BANK1: variants seen among roughly 807,000 people sequenced by gnomAD.
BANK1 encodes the protein B cell scaffold protein with ankyrin repeats 1.
Under a neutral mutation model 94.5 loss-of-function variants are expected in BANK1, and 95 were observed. The ratio of observed to expected loss-of-function variants is 1.00; its 90% CI spans 0.85 to 1.19. The LOEUF (loss-of-function observed/expected upper bound fraction) is 1.19. BANK1 is among the 50% of genes most tolerant of loss of function. BANK1 has a pLI of 0.00. For synonymous variants in BANK1, 334 were observed against 308.4 expected (o/e 1.08, Z -0.87); for missense variants, 987 against 932.2 (o/e 1.06, Z -0.77).
chr4:101,985,015 AAGAG>A (rs143961030), intron 7 of BANK1, among the ~76,000 whole-genome samples: 7 of 151,578 alleles, frequency 4.6e-5, no homozygotes, highest in African/African-American at 1.7e-4. Flanking sequence ...AGATTTCAAC[AAGAG>A]AGAGAGAGAG....
intron 7 of BANK1, among the ~76,000 whole-genome samples, chr4:101,951,699 T>C (rs1724162268): frequency 6.6e-6 from 1 of 152,042 alleles, no homozygotes; most frequent in Admixed American, 6.6e-5. Context: ...AAAAAATTTG[T>C]TTTTGCTCTG....
intron 1 of BANK1, among the ~76,000 whole-genome samples, chr4:101,801,947 C>T (rs993352119): frequency 1.3e-5 from 2 of 152,186 alleles, no homozygotes; most frequent in Non-Finnish European, 2.9e-5. Flanking sequence ...GACACCAGTG[C>T]GTTCCTCTTG....
chr4:102,050,381 T>A (rs1728006657), intron 11 of BANK1, among the ~76,000 whole-genome samples: 1 of 152,188 alleles, frequency 6.6e-6, no homozygotes, highest in African/African-American at 2.4e-5. Context: ...CAACTCTAGA[T>A]GAGCATAAGA....
intron 7 of BANK1, among the ~76,000 whole-genome samples, chr4:101,923,632 T>A (rs1297331249): frequency 1.3e-5 from 2 of 151,830 alleles, no homozygotes; most frequent in Non-Finnish European, 2.9e-5. Context: ...AATGAAATCA[T>A]GTGGAATTTG....
chr4:102,062,425 G>A (rs889221044), intron 12 of BANK1: 19 of 152,190 alleles, frequency 1.2e-4, no homozygotes, highest in African/African-American at 4.3e-4. Context: ...TGGTTTCTAG[G>A]TTTCCAGGAA....
chr4:101,907,601 G>T (rs1486431747), intron 6 of BANK1, among the ~76,000 whole-genome samples: 1 of 152,182 alleles, frequency 6.6e-6, no homozygotes, highest in Non-Finnish European at 1.5e-5. Context: ...ATTAGGAAAA[G>T]AGGAAGTCAA....
At chr4:101,851,716 T>C (rs1727484030) in intron 2 of BANK1, among the ~76,000 whole-genome samples, 2 of 152,348 alleles carry the variant, frequency 1.3e-5, no homozygotes, top group Middle Eastern at 3.4e-3. Flanking sequence ...CCTTCTCTTA[T>C]CAGTTTTTCT....
chr4:102,066,326 G>C (rs1268730245), intron 13 of BANK1, among the ~76,000 whole-genome samples: 1 of 149,900 alleles, frequency 6.7e-6, no homozygotes, highest in East Asian at 2.0e-4. Flanking sequence ...GCACGATCTC[G>C]GCTCACTGCA....
chr4:101,859,030 C>T (rs1295554254), intron 3 of BANK1, among the ~76,000 whole-genome samples: 2 of 152,146 alleles, frequency 1.3e-5, no homozygotes, highest in Non-Finnish European at 2.9e-5. Context: ...GCCCGTTCAT[C>T]CCTTGACTCT....
At position 101,982,471 on chromosome 4, in the gene BANK1, G is replaced by A. The variant is rs1725353653; in HGVS notation, c.1207-39043G>A. On this transcript the variant is annotated intron_variant, in intron 7 of 16. Transcript: ENST00000322953. ...TATTGTGCTATTTATCATACCTAAG[G>A]AATACTTCAGCTAAGTAGGTATACA... is the stretch of plus-strand genomic sequence containing the variant. Among the ~76,000 whole-genome samples, 5 of 151,926 alleles carry A rather than the reference G, an allele frequency of 3.3e-5. No individual in the cohort carries two copies. The South Asian group carries it at 1.0e-3, about 32-fold the overall frequency.
chr4:101,826,982 A>G (rs1560589962), intron 1 of BANK1, among the ~76,000 whole-genome samples: 3 of 152,004 alleles, frequency 2.0e-5, no homozygotes, highest in Admixed American at 1.3e-4. Context: ...TCAGTGGTGT[A>G]GAAAATACAT....
chr4:101,822,115 G>T (rs1163299314), intron 1 of BANK1, among the ~76,000 whole-genome samples: 1 of 152,176 alleles, frequency 6.6e-6, no homozygotes, highest in Admixed American at 6.5e-5. Flanking sequence ...AGCACTTTGG[G>T]AGGCCTAGGT....
chr4:101,873,015 A>G (rs1728352637), intron 5 of BANK1, among the ~76,000 whole-genome samples: 1 of 151,876 alleles, frequency 6.6e-6, no homozygotes. Context: ...AAAAAAAGAA[A>G]AGTAAAAAGA....
intron 7 of BANK1, among the ~76,000 whole-genome samples, chr4:101,942,536 G>A (rs1171925694): frequency 6.6e-6 from 1 of 151,870 alleles, no homozygotes; most frequent in Non-Finnish European, 1.5e-5. Flanking sequence ...AAATGGGCAA[G>A]CTCTAAGGAA....
intron 10 of BANK1, among the ~76,000 whole-genome samples, chr4:102,039,409 G>T (rs1185458407): frequency 6.6e-6 from 1 of 152,058 alleles, no homozygotes; most frequent in Non-Finnish European, 1.5e-5. Flanking sequence ...TGCTTATACG[G>T]TTAAAACATT....
At position 101,986,899 on chromosome 4, in the gene BANK1, G is replaced by GTGTGTGTGTGTGTGTA. The variant is rs1343197093; in HGVS notation, c.1207-34614_1207-34613insGTGTGTGTGTGTGTAT. 6.2e-4 allele frequency among the ~76,000 whole-genome samples: 51 copies of GTGTGTGTGTGTGTGTA among 82,656 alleles called. 2 individuals are homozygous for GTGTGTGTGTGTGTGTA. Among genetic ancestry groups the GTGTGTGTGTGTGTGTA allele is most frequent in the Non-Finnish European group, 7.0e-4 (33 of 47,300 alleles). 54.2% of individuals were successfully genotyped at this position (82,656 alleles called of 152,430 possible). A position where few individuals can be genotyped will look rare whatever the true frequency, so the allele number is the denominator to read the frequency against. On this transcript the variant is annotated intron_variant, in intron 7 of 16. Coordinates refer to ENST00000322953, the MANE Select transcript of BANK1 (RefSeq NM_017935.5). ...TGTGTGTGTGTGTGTGTGTGTGTGT[G>GTGTGTGTGTGTGTGTA]TATATATATATATATATATATATAT...
intron 5 of BANK1, among the ~76,000 whole-genome samples, chr4:101,884,228 C>A (rs933936272): frequency 2.6e-5 from 4 of 152,308 alleles, no homozygotes; most frequent in African/African-American, 9.6e-5. Flanking sequence ...TAGCAAAACA[C>A]AAACGAGTAT....
At chr4:102,037,897 A>G (rs950547768) in intron 10 of BANK1, among the ~76,000 whole-genome samples, 2 of 152,148 alleles carry the variant, frequency 1.3e-5, no homozygotes, top group African/African-American at 4.8e-5. Context: ...CCCAGTTAGG[A>G]TGCCTTTTGC....
At position 101,855,002 on chromosome 4, in the gene BANK1, T is replaced by C. The variant is rs763003761; in HGVS notation, c.470-33T>C. 7 of 1,524,314 alleles carry C rather than the reference T, an allele frequency of 4.6e-6. No individual in the cohort carries two copies. In the Admixed American group the frequency reaches 1.1e-4, roughly 23 times the overall value. The allele number at this position is 1,524,314 out of a possible 1,614,324, so 94.4% of individuals were successfully genotyped here. Reference sequence around the variant, plus strand: ...GGAGGAAATACTGTGGCTTTAGTTATATTATAATCTACATTCATAAAATTT... The same window carrying C: ...GGAGGAAATACTGTGGCTTTAGTTACATTATAATCTACATTCATAAAATTT... On this transcript the variant is annotated intron_variant, in intron 2 of 16. Transcript: ENST00000322953.
Sources: gnomAD v4.1 joint callset for allele counts (sites outside exome capture counted in the v4.1 genomes callset) on GRCh38, gnomAD v4.1.1 for gene constraint, MANE v1.5 for transcripts, NCBI Gene and HGNC (gene_info 2026-07-23, HGNC 2026-07-21) for gene names.